The following RERE variants were observed in gnomAD, a reference collection of about 807,000 sequenced individuals.
RERE encodes arginine-glutamic acid dipeptide repeats protein.
A neutral mutation model predicts 146.1 loss-of-function variants in RERE; 40 were observed. The ratio of observed to expected loss-of-function variants is 0.27; its 90% CI spans 0.21 to 0.36. RERE has a LOEUF of 0.36. Among genes scored for constraint, RERE ranks in the 10% least tolerant of loss-of-function variants. RERE has a pLI of 1.00. For missense variants in RERE, 1,933 were observed against 2,138.7 expected, an observed-to-expected ratio of 0.90 and a Z score of 1.90; for synonymous variants, 1,003 against 866.0, an observed-to-expected ratio of 1.16 and a Z score of -2.78.
intron 1 of RERE, among the ~76,000 whole-genome samples, chr1:8,773,495 ACCAG>A (rs1640995688): frequency 6.6e-6 from 1 of 152,052 alleles, no homozygotes. Context: ...GAAGTTCAAG[ACCAG>A]CCTGCACAAC....
chr1:8,658,445 G>A (rs1638377002), intron 1 of RERE, among the ~76,000 whole-genome samples: 1 of 152,170 alleles, frequency 6.6e-6, no homozygotes, highest in South Asian at 2.1e-4. Flanking sequence ...GCAGTTACAT[G>A]CTTCAGATGC....
At chr1:8,540,887 G>A (rs1426465050) in intron 7 of RERE, among the ~76,000 whole-genome samples, 1 of 152,094 alleles carries the variant, frequency 6.6e-6, no homozygotes, top group Non-Finnish European at 1.5e-5. Context: ...GTGAATCAGG[G>A]AAATAATCTA....
At chr1:8,547,353 T>G (rs563551193) in intron 6 of RERE, among the ~76,000 whole-genome samples, 1 of 152,176 alleles carries the variant, frequency 6.6e-6, no homozygotes, top group South Asian at 2.1e-4. Context: ...TTAAATATGG[T>G]GTAGGGAAAG....
chr1:8,457,754 C>T (rs1409370464), intron 11 of RERE, among the ~76,000 whole-genome samples: 1 of 152,112 alleles, frequency 6.6e-6, no homozygotes, highest in Non-Finnish European at 1.5e-5. Flanking sequence ...GCACGCACCA[C>T]CACGCCCAGC....
chr1:8,368,736 G>A (rs1321296396), intron 12 of RERE, among the ~76,000 whole-genome samples: 1 of 152,056 alleles, frequency 6.6e-6, no homozygotes, highest in Non-Finnish European at 1.5e-5. Context: ...TTTTGAAATG[G>A]CTTTAAAAGA....
chr1:8,397,604 C>A (rs7520082), intron 12 of RERE, among the ~76,000 whole-genome samples: 3,148 of 145,042 alleles, frequency 0.022, 126 homozygotes, highest in African/African-American at 0.078. Flanking sequence ...AAAAAAAAAA[C>A]ACATGAAACT....
At chr1:8,500,454 C>T (rs138111198) in intron 8 of RERE, among the ~76,000 whole-genome samples, 5,284 of 152,322 alleles carry the variant, frequency 0.035, 312 homozygotes, top group African/African-American at 0.12. Flanking sequence ...GCGAGTGATC[C>T]GCCAGCCTCG....
At chr1:8,660,636 G>T (rs1638435056) in intron 1 of RERE, among the ~76,000 whole-genome samples, 1 of 152,172 alleles carries the variant, frequency 6.6e-6, no homozygotes, top group East Asian at 1.9e-4. Flanking sequence ...GTGCTGCCAG[G>T]ATCTCCAGCT....
chr1:8,738,403 C>A (rs1196770811), intron 1 of RERE, among the ~76,000 whole-genome samples: 2 of 152,060 alleles, frequency 1.3e-5, no homozygotes, highest in African/African-American at 4.8e-5. Flanking sequence ...CTGGGCTGGT[C>A]TCAAACTCCT....
At chr1:8,592,070 G>A (rs1326608154) in intron 4 of RERE, among the ~76,000 whole-genome samples, 2 of 152,128 alleles carry the variant, frequency 1.3e-5, no homozygotes, top group Non-Finnish European at 2.9e-5. Context: ...TCACAGTAAA[G>A]ACATTTTACA....
chr1:8,400,197 CTCT>C (rs1207811194), intron 12 of RERE, among the ~76,000 whole-genome samples: 1 of 142,236 alleles, frequency 7.0e-6, no homozygotes, highest in East Asian at 2.2e-4. Flanking sequence ...TCAGTTTTGT[CTCT>C]TCCTTTCCAT....
At chr1:8,694,980 G>GC (rs200691526) in intron 1 of RERE, among the ~76,000 whole-genome samples, 1 of 134,514 alleles carries the variant, frequency 7.4e-6, no homozygotes, top group African/African-American at 2.8e-5. Flanking sequence ...CTAAGGGGGG[G>GC]GGGGGAATGC....
intron 8 of RERE, among the ~76,000 whole-genome samples, chr1:8,507,959 G>T (rs778453145): frequency 4.6e-5 from 7 of 152,004 alleles, no homozygotes; most frequent in Non-Finnish European, 1.0e-4. Context: ...GGCTGGTCTC[G>T]AACTCCTGAC....
intron 1 of RERE, among the ~76,000 whole-genome samples, chr1:8,793,152 A>G (rs1322202342): frequency 8.9e-6 from 1 of 111,850 alleles, no homozygotes; most frequent in African/African-American, 3.6e-5. Flanking sequence ...ATGAGACTCC[A>G]TCTCCAAAAA....
chr1:8,434,831 T>C (rs1644146656), intron 11 of RERE: 1 of 152,188 alleles, frequency 6.6e-6, no homozygotes, highest in Non-Finnish European at 1.5e-5. Context: ...GCTATTCTAG[T>C]CCCCAGCCAT....
At chr1:8,725,171 A>G (rs1639935981) in intron 1 of RERE, among the ~76,000 whole-genome samples, 1 of 152,254 alleles carries the variant, frequency 6.6e-6, no homozygotes, top group Admixed American at 6.5e-5. Flanking sequence ...CTGTCTCACT[A>G]GTGCACATTA....
chr1:8,740,165 C>A (rs2124501212), intron 1 of RERE, among the ~76,000 whole-genome samples: 1 of 152,320 alleles, frequency 6.6e-6, no homozygotes, highest in African/African-American at 2.4e-5. Context: ...TGTTGCTTAA[C>A]AATGGATATA....
intron 11 of RERE, among the ~76,000 whole-genome samples, chr1:8,464,258 A>C (rs1260739305): frequency 1.1e-4 from 17 of 152,174 alleles, no homozygotes. Context: ...GGGCCATTTC[A>C]GTGCATCTCA....
intron 7 of RERE, chr1:8,525,788 T>C (rs1189731360): frequency 1.9e-6 from 3 of 1,598,734 alleles, no homozygotes; most frequent in Non-Finnish European, 2.6e-6. Flanking sequence ...CATCCATGAC[T>C]AACACGGGCT....
Sources: allele counts gnomAD v4.1 joint callset (sites outside exome capture counted in the v4.1 genomes callset), GRCh38; gene constraint gnomAD v4.1.1; transcripts MANE v1.5; gene names NCBI Gene and HGNC (gene_info 2026-07-23, HGNC 2026-07-21).